The following TCF4 variants were observed in gnomAD, a reference collection of about 807,000 sequenced individuals.
TCF4 encodes the protein transcription factor 4, also known as SL3-3 enhancer factor 2.
TCF4 carries 3 observed loss-of-function variants against 82.1 expected under a neutral mutation model. That is an observed-to-expected ratio of 0.04 (90% CI 0.02 to 0.09). The LOEUF (loss-of-function observed/expected upper bound fraction) is 0.09. Among genes scored for constraint, TCF4 ranks in the 10% least tolerant of loss-of-function variants. TCF4 has a pLI of 1.00. For missense variants in TCF4, 518 were observed against 852.7 expected (o/e 0.61, Z 4.89); for synonymous variants, 276 against 309.6 (o/e 0.89, Z 1.14).
chr18:55,431,931 C>T (rs952099802), intron 5 of TCF4, among the ~76,000 whole-genome samples: 8 of 152,134 alleles, frequency 5.3e-5, no homozygotes, highest in African/African-American at 1.9e-4. Context: ...AAAGGCGGTG[C>T]ACGGATATCT....
At chr18:55,452,286 C>T (rs2095639540) in intron 5 of TCF4, among the ~76,000 whole-genome samples, 1 of 152,194 alleles carries the variant, frequency 6.6e-6, no homozygotes, top group Admixed American at 6.5e-5. Context: ...TTGGCTGCAC[C>T]TAATCCTCCA....
chr18:55,448,970 A>G (rs73957198), intron 5 of TCF4, among the ~76,000 whole-genome samples: 4,754 of 152,320 alleles, frequency 0.031, 230 homozygotes, highest in African/African-American at 0.11. Flanking sequence ...TTGGTGTTCA[A>G]ACTATACCTA....
At chr18:55,529,675 A>G in intron 3 of TCF4, among the ~76,000 whole-genome samples, 1 of 152,196 alleles carries the variant, frequency 6.6e-6, no homozygotes, top group East Asian at 1.9e-4. Flanking sequence ...GAGTAAAATT[A>G]TCACTGACAT....
At chr18:55,558,096 C>G (rs2097320663) in intron 3 of TCF4, among the ~76,000 whole-genome samples, 1 of 152,096 alleles carries the variant, frequency 6.6e-6, no homozygotes, top group African/African-American at 2.4e-5. Context: ...CCTGTATTCC[C>G]AGATACTCAG....
Position 55,557,677 on chromosome 18 carries a change from T to C in TCF4, c.145+27603A>G, listed in dbSNP as rs369977980. Among the ~76,000 whole-genome samples the C allele has an allele frequency of 2.6e-5, 4 of 152,096 alleles. No homozygotes were observed. In the East Asian group the frequency reaches 7.7e-4, roughly 29 times the overall value. On this transcript the variant is annotated intron_variant, in intron 3 of 19. Transcript: ENST00000354452. ...TCACATGGTTCAAGGGTCAAAATAA[T>C]ACAAAAAGTTATCTATTTGGAAGTC...
chr18:55,309,765 T>C (rs2071679923), intron 8 of TCF4, among the ~76,000 whole-genome samples: 1 of 152,166 alleles, frequency 6.6e-6, no homozygotes, highest in South Asian at 2.1e-4. Flanking sequence ...AAAAACACTG[T>C]GTAAGCAAGT....
chr18:55,408,286 G>A (rs1274751913), intron 5 of TCF4, among the ~76,000 whole-genome samples: 1 of 152,166 alleles, frequency 6.6e-6, no homozygotes, highest in African/African-American at 2.4e-5. Flanking sequence ...CACCAAGCAA[G>A]GCTGTTTCAC....
chr18:55,229,236 T>C lies in TCF4; in HGVS notation c.1650-160A>G, dbSNP rs2047183443. The stretch of plus-strand genomic sequence containing the variant: ...CACTTGACCTTGGGATTGGTTTAGA[T>C]GGCTTTGACAGTTCACAATACACAA... On this transcript the variant is annotated intron_variant, in intron 17 of 19. Coordinates refer to ENST00000354452, the MANE Select transcript of TCF4 (RefSeq NM_001083962.2). The C allele has an allele frequency of 7.8e-6, 6 of 767,174 alleles. No homozygotes were observed. In the East Asian group the frequency reaches 1.3e-4, roughly 17 times the overall value. 47.5% of individuals were successfully genotyped at this position (767,174 alleles called of 1,614,324 possible).
chr18:55,292,280 C>T (rs2065269310), intron 8 of TCF4, among the ~76,000 whole-genome samples: 1 of 152,184 alleles, frequency 6.6e-6, no homozygotes, highest in African/African-American at 2.4e-5. Context: ...GTAAGAATGA[C>T]CCTTTCATAT....
chr18:55,560,347 T>C (rs1316566871), intron 3 of TCF4, among the ~76,000 whole-genome samples: 1 of 152,234 alleles, frequency 6.6e-6, no homozygotes, highest in Non-Finnish European at 1.5e-5. Context: ...ATAATTCTAA[T>C]AAGGGTATTA....
intron 3 of TCF4, among the ~76,000 whole-genome samples, chr18:55,466,984 T>G (rs2096039913): frequency 6.6e-6 from 1 of 152,200 alleles, no homozygotes; most frequent in Admixed American, 6.5e-5. Context: ...GACCTCACGC[T>G]GCTGCACCTT....
intron 3 of TCF4, among the ~76,000 whole-genome samples, chr18:55,468,889 C>T (rs960345338): frequency 9.5e-5 from 12 of 126,698 alleles, no homozygotes; most frequent in South Asian, 2.6e-4. Flanking sequence ...TCGCCCCCCC[C>T]CCCCTTGTTC....
At chr18:55,585,520 G>A in intron 2 of TCF4, 168 bp from the exon 3 acceptor site, 1 of 707,402 alleles carries the variant, frequency 1.4e-6, no homozygotes, top group Non-Finnish European at 2.4e-6. Context: ...CAACATTACA[G>A]ATCCCACCCC....
At chr18:55,340,267 GTA>G (rs2079586272) in intron 8 of TCF4, among the ~76,000 whole-genome samples, 2 of 152,324 alleles carry the variant, frequency 1.3e-5, no homozygotes, top group African/African-American at 4.8e-5. Flanking sequence ...CACAGCCGAT[GTA>G]CCAGTTCAAA....
upstream of TCF4, among the ~76,000 whole-genome samples, chr18:55,589,101 A>G (rs2097677853): frequency 6.6e-6 from 1 of 152,180 alleles, no homozygotes; most frequent in South Asian, 2.1e-4. Context: ...TGTGTTTGAA[A>G]AAAAAAACAC....
At chr18:55,384,365 C>G (rs1038526018) in intron 6 of TCF4, among the ~76,000 whole-genome samples, 4 of 152,210 alleles carry the variant, frequency 2.6e-5, no homozygotes, top group Non-Finnish European at 5.9e-5. Context: ...CACAGCCCTT[C>G]CCTGCGCCAC....
chr18:55,296,504 G>A (rs10502997), intron 8 of TCF4, among the ~76,000 whole-genome samples: 8 of 152,118 alleles, frequency 5.3e-5, no homozygotes, highest in South Asian at 4.1e-4. Flanking sequence ...GTCTATGATC[G>A]GGCTTCTACT....
chr18:55,496,276 C>T (rs984710636), intron 3 of TCF4: 1 of 152,030 alleles, frequency 6.6e-6, no homozygotes, highest in South Asian at 2.1e-4. Context: ...CAGCGTGTTA[C>T]AATAAATTAT....
chr18:55,627,179 C>T lies in TCF4; in HGVS notation c.286+4119G>A, dbSNP rs78563362. ...TCCAATGGCTCCCTTTTCACAGTTA[C>T]TTGCTGAGTGTACTGCTGCTGAAGG... On this transcript the variant is annotated intron_variant, in intron 2 of 20. Coordinates refer to the TCF4 transcript ENST00000398339. 1.8e-4 allele frequency among the ~76,000 whole-genome samples: 28 copies of T among 152,282 alleles called. 1 individual carries two copies. The East Asian group carries it at 5.4e-3, about 29-fold the overall frequency.
Sources: allele counts gnomAD v4.1 joint callset (sites outside exome capture counted in the v4.1 genomes callset), GRCh38; gene constraint gnomAD v4.1.1; transcripts MANE v1.5; gene names NCBI Gene and HGNC (gene_info 2026-07-23, HGNC 2026-07-21).